GPC6: variants seen among roughly 807,000 people sequenced by gnomAD.
GPC6 encodes glypican 6.
A neutral mutation model predicts 55.2 loss-of-function variants in GPC6; 14 were observed. The ratio of observed to expected loss-of-function variants is 0.25; its 90% CI spans 0.17 to 0.40. The LOEUF (loss-of-function observed/expected upper bound fraction) is 0.40, where lower values mean the gene tolerates loss of function less well. Ranked by LOEUF, GPC6 falls within the 10% of genes least tolerant of loss-of-function variation. The probability of loss-of-function intolerance (pLI) is 1.00; values close to 1 mark genes in which losing one functional copy is unlikely to be tolerated. For synonymous variants in GPC6, 278 were observed against 259.6 expected (o/e 1.07, Z -0.68); for missense variants, 641 against 708.5 (o/e 0.90, Z 1.08).
chr13:93,983,782 G>GA (rs1486198177), intron 3 of GPC6, among the ~76,000 whole-genome samples: 1 of 74,552 alleles, frequency 1.3e-5, no homozygotes, highest in Non-Finnish European at 2.7e-5. Context: ...TCATATTTTT[G>GA]TTAAAAAAAA....
At chr13:93,347,767 G>A (rs184144806) in intron 1 of GPC6, among the ~76,000 whole-genome samples, 2 of 152,264 alleles carry the variant, frequency 1.3e-5, no homozygotes, top group Non-Finnish European at 1.5e-5. Flanking sequence ...TCACTCCAAT[G>A]AGAGGTGATT....
chr13:93,475,209 G>A (rs1240186728), intron 1 of GPC6, among the ~76,000 whole-genome samples: 1 of 152,052 alleles, frequency 6.6e-6, no homozygotes, highest in African/African-American at 2.4e-5. Context: ...TATGATGATT[G>A]AAACATGTCA....
intron 2 of GPC6, among the ~76,000 whole-genome samples, chr13:93,684,950 GCTTTTCT>G (rs1283734240): frequency 1.3e-5 from 2 of 151,960 alleles, no homozygotes; most frequent in African/African-American, 4.8e-5. Context: ...GATGACAAAG[GCTTTTCT>G]GGAATGTCAA....
chr13:93,642,885 G>A (rs1228480889), intron 2 of GPC6, among the ~76,000 whole-genome samples: 6 of 152,112 alleles, frequency 3.9e-5, no homozygotes, highest in African/African-American at 9.7e-5. Flanking sequence ...TATGAAGAAA[G>A]CATGAAAGGT....
intron 1 of GPC6, among the ~76,000 whole-genome samples, chr13:93,390,669 A>C (rs1875590881): frequency 6.6e-6 from 1 of 152,088 alleles, no homozygotes; most frequent in Non-Finnish European, 1.5e-5. Flanking sequence ...CATATTTTTA[A>C]ATCCTTTTTT....
intron 4 of GPC6, among the ~76,000 whole-genome samples, chr13:94,180,581 G>A (rs770654046): frequency 3.9e-5 from 6 of 152,226 alleles, no homozygotes; most frequent in East Asian, 3.9e-4. Context: ...AGGGAGTGAC[G>A]GTTCACTAAA....
intron 4 of GPC6, among the ~76,000 whole-genome samples, chr13:94,163,491 AT>A (rs1171136104): frequency 6.6e-6 from 1 of 152,186 alleles, no homozygotes; most frequent in African/African-American, 2.4e-5. Flanking sequence ...TCTTTAAAAC[AT>A]TTTTAAAAAT....
At chr13:94,011,481 C>G (rs572064673) in intron 3 of GPC6, among the ~76,000 whole-genome samples, 16 of 152,232 alleles carry the variant, frequency 1.1e-4, no homozygotes, top group African/African-American at 3.9e-4. Context: ...ATTCTCCCCT[C>G]CCTCACCCAT....
intron 3 of GPC6, among the ~76,000 whole-genome samples, chr13:93,891,584 A>G (rs570951102): frequency 6.6e-6 from 1 of 152,290 alleles, no homozygotes; most frequent in South Asian, 2.1e-4. Context: ...TATACAATTT[A>G]TTTAAAATCA....
chr13:93,876,165 A>C (rs9524264), intron 3 of GPC6, among the ~76,000 whole-genome samples: 42,107 of 151,724 alleles, frequency 0.28, 6,191 homozygotes, highest in Non-Finnish European at 0.32. Context: ...ACCTATTTGC[A>C]CTCTTTTTGT....
chr13:94,041,377 C>T (rs867134752), intron 4 of GPC6, among the ~76,000 whole-genome samples: 2 of 151,784 alleles, frequency 1.3e-5, no homozygotes, highest in Non-Finnish European at 2.9e-5. Flanking sequence ...GTAATCTGTA[C>T]TAATTGAGAG....
chr13:94,270,964 A>ATTTTTTTTTTTTT (rs764819082), intron 4 of GPC6, among the ~76,000 whole-genome samples: 1 of 49,672 alleles, frequency 2.0e-5, no homozygotes, highest in African/African-American at 8.0e-5. Context: ...GAGAAGTATA[A>ATTTTTTTTTTTTT]TTTTTTTTTT....
chr13:93,840,715 C>A lies in GPC6; in HGVS notation c.711+10170C>A, dbSNP rs74364202. Among the ~76,000 whole-genome samples, 705 of 152,094 alleles carry A rather than the reference C, an allele frequency of 4.6e-3. 7 individuals are homozygous for A. Among genetic ancestry groups the A allele is most frequent in the African/African-American group, 0.016 (676 of 41,490 alleles). Reference sequence around the variant, plus strand: ...TGGCATGTCTACTGTTTGCCTATCCCCCTCAAATACAAGAACTTCCCTGGG... The same window carrying A: ...TGGCATGTCTACTGTTTGCCTATCCACCTCAAATACAAGAACTTCCCTGGG... On this transcript the variant is annotated intron_variant, in intron 3 of 8. Transcript: ENST00000377047.
chr13:94,068,419 G>A (rs944878859), intron 4 of GPC6, among the ~76,000 whole-genome samples: 4 of 152,134 alleles, frequency 2.6e-5, no homozygotes, highest in African/African-American at 4.8e-5. Flanking sequence ...TGGGGACACA[G>A]CCAAACCATA....
chr13:93,704,230 G>A (rs1312460617), intron 2 of GPC6, among the ~76,000 whole-genome samples: 1 of 151,782 alleles, frequency 6.6e-6, no homozygotes. Context: ...ATTTTCTGAT[G>A]TGGGCATATA....
At position 94,257,812 on chromosome 13, in the gene GPC6, G is replaced by A. The variant is rs573226127; in HGVS notation, c.878-28537G>A. On this transcript the variant is annotated intron_variant, in intron 4 of 8. Coordinates refer to ENST00000377047, the MANE Select transcript of GPC6 (RefSeq NM_005708.5). ...AAAGAGACCATTAACCCCATTTCCC[G>A]TATTGAGAAACTAAGTCAAAAACAG... Among the ~76,000 whole-genome samples, 9 of 152,234 alleles carry A rather than the reference G, an allele frequency of 5.9e-5. No individual in the cohort carries two copies. In the South Asian group the frequency reaches 6.2e-4, roughly 11 times the overall value.
intron 1 of GPC6, among the ~76,000 whole-genome samples, chr13:93,229,399 A>C (rs1875932544): frequency 6.6e-6 from 1 of 152,196 alleles, no homozygotes; most frequent in Non-Finnish European, 1.5e-5. Flanking sequence ...ATTTCAGATA[A>C]GATGTCTCAA....
chr13:93,965,678 C>T (rs1320545813), intron 3 of GPC6, among the ~76,000 whole-genome samples: 1 of 152,076 alleles, frequency 6.6e-6, no homozygotes, highest in Non-Finnish European at 1.5e-5. Flanking sequence ...GAGGTGTCCT[C>T]ACTGCCAGTC....
chr13:93,992,114 GTA>G (rs1024902006), intron 3 of GPC6, among the ~76,000 whole-genome samples: 94 of 151,158 alleles, frequency 6.2e-4, no homozygotes, highest in African/African-American at 2.2e-3. Flanking sequence ...TTATATGTGT[GTA>G]TATATGTTTT....
Sources: allele counts gnomAD v4.1 joint callset (sites outside exome capture counted in the v4.1 genomes callset), GRCh38; gene constraint gnomAD v4.1.1; transcripts MANE v1.5; gene names NCBI Gene and HGNC (gene_info 2026-07-23, HGNC 2026-07-21).